SNTG1: variants seen among roughly 807,000 people sequenced by gnomAD.
SNTG1 encodes the protein gamma-1-syntrophin.
Under a neutral mutation model 74.7 loss-of-function variants are expected in SNTG1, and 39 were observed. That is an observed-to-expected ratio of 0.52 (90% CI 0.40 to 0.68). SNTG1 has a LOEUF of 0.68. SNTG1 is among the 30% of genes least tolerant of loss of function. SNTG1 has a pLI of 0.00. For synonymous variants in SNTG1, 254 were observed against 217.1 expected, an observed-to-expected ratio of 1.17 and a Z score of -1.49; for missense variants, 685 against 609.5, an observed-to-expected ratio of 1.12 and a Z score of -1.30.
intron 1 of SNTG1, among the ~76,000 whole-genome samples, chr8:50,100,798 T>C (rs1332565820): frequency 6.6e-6 from 1 of 152,082 alleles, no homozygotes; most frequent in Non-Finnish European, 1.5e-5. Flanking sequence ...AAAATTATTT[T>C]AGGTTCAGGG....
chr8:50,370,419 G>C lies in SNTG1; in HGVS notation c.-27-23793G>C, dbSNP rs1167706047. On this transcript the variant is annotated intron_variant, in intron 2 of 18. Coordinates refer to ENST00000642720, the MANE Select transcript of SNTG1 (RefSeq NM_018967.5). The stretch of plus-strand genomic sequence containing the variant: ...CAGAATGGGAACGACCCTGTGGGAA[G>C]ACCCTGATGAGTATGGGCACAATGA... Among the ~76,000 whole-genome samples, 6 of 152,156 alleles carry C rather than the reference G, an allele frequency of 3.9e-5. No individual in the cohort carries two copies. In the East Asian group the frequency reaches 1.2e-3, roughly 29 times the overall value.
chr8:50,587,992 C>T (rs2094664246), intron 12 of SNTG1, among the ~76,000 whole-genome samples: 1 of 151,444 alleles, frequency 6.6e-6, no homozygotes, highest in Non-Finnish European at 1.5e-5. Context: ...TGGTGGTGGG[C>T]ACCTATAGTC....
At chr8:50,222,831 T>C (rs1035211043) in intron 2 of SNTG1, among the ~76,000 whole-genome samples, 1 of 152,148 alleles carries the variant, frequency 6.6e-6, no homozygotes, top group Non-Finnish European at 1.5e-5. Context: ...CAGAAGCAAA[T>C]GTAGATGCTC....
At chr8:50,197,356 G>C (rs1477842492) in intron 2 of SNTG1, among the ~76,000 whole-genome samples, 1 of 152,018 alleles carries the variant, frequency 6.6e-6, no homozygotes, top group East Asian at 1.9e-4. Flanking sequence ...ATACATTTTA[G>C]GATTGCATAG....
intron 15 of SNTG1, among the ~76,000 whole-genome samples, chr8:50,688,246 A>T (rs1239716415): frequency 1.3e-5 from 2 of 152,026 alleles, no homozygotes; most frequent in Non-Finnish European, 2.9e-5. Context: ...GCTGTGCAGA[A>T]GCTCTTTAGT....
chr8:50,024,711 A>G (rs1161568659), intron 1 of SNTG1, among the ~76,000 whole-genome samples: 1 of 152,188 alleles, frequency 6.6e-6, no homozygotes, highest in Non-Finnish European at 1.5e-5. Flanking sequence ...ACAGTATACT[A>G]TAATAAAAGT....
chr8:50,541,560 G>C (rs2094347186), intron 11 of SNTG1, among the ~76,000 whole-genome samples: 3 of 151,848 alleles, frequency 2.0e-5, no homozygotes, highest in Admixed American at 1.3e-4. Context: ...CATAGTTTTA[G>C]AATACATGTG....
intron 8 of SNTG1, among the ~76,000 whole-genome samples, chr8:50,456,258 C>T (rs1431774961): frequency 6.6e-6 from 1 of 152,088 alleles, no homozygotes; most frequent in African/African-American, 2.4e-5. Context: ...CTTTATTTGT[C>T]CTCTTATTTT....
At position 50,008,644 on chromosome 8, in the gene SNTG1, G is replaced by T. The variant is rs566776817; in HGVS notation, c.-103+96413G>T. ...GGAAACTGGGTGGATAAGAAACAAA[G>T]AAAAATTCCATCAACCTGATAGTGG... On this transcript the variant is annotated intron_variant, in intron 1 of 18. Coordinates refer to ENST00000642720, the MANE Select transcript of SNTG1 (RefSeq NM_018967.5). 2.0e-4 allele frequency among the ~76,000 whole-genome samples: 30 copies of T among 152,190 alleles called. No homozygotes were observed. The South Asian group carries it at 3.5e-3, about 18-fold the overall frequency.
intron 2 of SNTG1, among the ~76,000 whole-genome samples, chr8:50,272,326 C>G (rs1243678139): frequency 6.6e-6 from 1 of 152,154 alleles, no homozygotes; most frequent in Non-Finnish European, 1.5e-5. Context: ...GTTCAAGTGT[C>G]AAAGTGAAGC....
rs111478797 is a variant in SNTG1, at chr8:49,950,542, G to A, written c.-103+38311G>A. Among the ~76,000 whole-genome samples, 137 of 152,128 alleles carry A rather than the reference G, an allele frequency of 9.0e-4. 1 individual carries two copies. The highest frequency in any genetic ancestry group is 3.2e-3 in the African/African-American group (132 of 41,492). On this transcript the variant is annotated intron_variant, in intron 1 of 18. Transcript: ENST00000642720. Reference sequence around the variant, plus strand: ...TATGCCAGTATTTTGTCATACTAATGTAACTAATTTTCATACCATTATACT... The same window carrying A: ...TATGCCAGTATTTTGTCATACTAATATAACTAATTTTCATACCATTATACT...
At position 50,660,472 on chromosome 8, in the gene SNTG1, T is replaced by G. The variant is rs116252140; in HGVS notation, c.1038+1809T>G. Among the ~76,000 whole-genome samples, 860 of 94,764 alleles carry G rather than the reference T, an allele frequency of 9.1e-3. 8 individuals are homozygous for G. Among genetic ancestry groups the G allele is most frequent in the African/African-American group, 0.03 (719 of 23,736 alleles). The allele number at this position is 94,764 out of a possible 152,430, so 62.2% of individuals were successfully genotyped here. On this transcript the variant is annotated intron_variant, in intron 15 of 18. Coordinates refer to ENST00000642720, the MANE Select transcript of SNTG1 (RefSeq NM_018967.5). ...AAAGAAAGGGAGGAAGGGCAGGGAGTGCACAGAGGGGAGAAAGGAAAGAAG... is the reference window on the plus strand; with the variant it reads ...AAAGAAAGGGAGGAAGGGCAGGGAGGGCACAGAGGGGAGAAAGGAAAGAAG...
At chr8:50,629,120 G>T (rs2094977884) in intron 13 of SNTG1, among the ~76,000 whole-genome samples, 1 of 152,104 alleles carries the variant, frequency 6.6e-6, no homozygotes, top group Admixed American at 6.6e-5. Context: ...GCTTTCAGTT[G>T]TAAGATAATT....
chr8:50,090,425 C>T (rs2079680123), intron 1 of SNTG1, among the ~76,000 whole-genome samples: 1 of 152,082 alleles, frequency 6.6e-6, no homozygotes, highest in Admixed American at 6.6e-5. Flanking sequence ...CAGGCTTTCC[C>T]TTCATGGTGG....
intron 2 of SNTG1, among the ~76,000 whole-genome samples, chr8:50,224,149 G>C (rs1324983599): frequency 3.3e-5 from 5 of 151,954 alleles, no homozygotes; most frequent in African/African-American, 1.2e-4. Context: ...AACATATAAA[G>C]TGAATAATGT....
intron 8 of SNTG1, among the ~76,000 whole-genome samples, chr8:50,459,992 T>C (rs1473549582): frequency 6.6e-6 from 1 of 152,218 alleles, no homozygotes. Context: ...GTGTCTTTTC[T>C]GTAAAATGAT....
At chr8:50,701,960 C>T (rs775988498) in intron 15 of SNTG1, among the ~76,000 whole-genome samples, 5 of 151,906 alleles carry the variant, frequency 3.3e-5, no homozygotes, top group African/African-American at 4.8e-5. Flanking sequence ...AAGTGATTCT[C>T]CTGCCTCAGA....
At chr8:50,528,069 C>A (rs139294193) in intron 9 of SNTG1, among the ~76,000 whole-genome samples, 33 of 152,060 alleles carry the variant, frequency 2.2e-4, no homozygotes, top group South Asian at 4.1e-4. Context: ...TCTATATACA[C>A]GATTGTGTTA....
chr8:50,481,865 T>C (rs781427338), intron 8 of SNTG1, among the ~76,000 whole-genome samples: 1 of 152,214 alleles, frequency 6.6e-6, no homozygotes, highest in Non-Finnish European at 1.5e-5. Flanking sequence ...ATGTGTAATG[T>C]TTTTTGTTAC....
Sources: allele counts gnomAD v4.1 joint callset (sites outside exome capture counted in the v4.1 genomes callset), GRCh38; gene constraint gnomAD v4.1.1; transcripts MANE v1.5; gene names NCBI Gene and HGNC (gene_info 2026-07-23, HGNC 2026-07-21).